Variants in MRTFB observed in about 807,000 individuals in gnomAD.
MRTFB encodes myocardin-related transcription factor B.
In MRTFB, 29 loss-of-function variants were observed where a neutral mutation model predicts 104.2. That is an observed-to-expected ratio of 0.28 (90% CI 0.21 to 0.38). The LOEUF (loss-of-function observed/expected upper bound fraction) is 0.38. MRTFB is among the 10% of genes least tolerant of loss of function. MRTFB has a pLI of 1.00. For synonymous variants in MRTFB, 535 were observed against 519.5 expected, an observed-to-expected ratio of 1.03 and a Z score of -0.41; for missense variants, 1,270 against 1,341.6, an observed-to-expected ratio of 0.95 and a Z score of 0.83.
intron 3 of MRTFB, among the ~76,000 whole-genome samples, chr16:14,166,911 T>C (rs1597133167): frequency 6.6e-6 from 1 of 152,340 alleles, no homozygotes; most frequent in East Asian, 1.9e-4. Flanking sequence ...AGTCTATTAT[T>C]GATGGGCATT....
At chr16:14,247,933 G>A (rs2043095306) in intron 12 of MRTFB, 1 of 166,342 alleles carries the variant, frequency 6.0e-6, no homozygotes, top group African/African-American at 2.4e-5. Flanking sequence ...CTGAGGCCTA[G>A]GAGTACTCAG....
At position 14,262,127 on chromosome 16, in the gene MRTFB, A is replaced by G. The variant is rs1486623124; in HGVS notation, c.*683A>G. ...TTCAACATAAACAGAAGATACCTAC[A>G]AAATACTGTCAGAAGTCCAGGTATA... On this transcript the variant is annotated 3_prime_UTR_variant, in exon 17 of 17. Coordinates refer to ENST00000571589, the MANE Select transcript of MRTFB (RefSeq NM_001308142.2). 2.0e-5 allele frequency: 3 copies of G among 152,254 alleles called. No homozygotes were observed. Among genetic ancestry groups the G allele is most frequent in the African/African-American group, 7.2e-5 (3 of 41,468 alleles). 9.4% of individuals were successfully genotyped at this position (152,254 alleles called of 1,614,324 possible). A position where few individuals can be genotyped will look rare whatever the true frequency, so the allele number is the denominator to read the frequency against.
intron 16 of MRTFB, among the ~76,000 whole-genome samples, chr16:14,260,122 A>G (rs114137654): frequency 6.2e-4 from 95 of 152,370 alleles, no homozygotes; most frequent in African/African-American, 2.2e-3. Flanking sequence ...CTGGCAAGGA[A>G]TAACACATAA....
rs113582868 is a variant in MRTFB, at chr16:14,125,999, C to G, written c.-63-14545C>G. Reference sequence around the variant, plus strand: ...GGACTACACTCAAACTTCTTAACTTCTCTGGCTACTCTAAGGAAAAGCTAA... The same window carrying G: ...GGACTACACTCAAACTTCTTAACTTGTCTGGCTACTCTAAGGAAAAGCTAA... On this transcript the variant is annotated intron_variant, in intron 2 of 16. Coordinates refer to ENST00000571589, the MANE Select transcript of MRTFB (RefSeq NM_001308142.2). Among the ~76,000 whole-genome samples the G allele has an allele frequency of 9.6e-3, 1,461 of 152,276 alleles. 24 individuals carry two copies. Among genetic ancestry groups the G allele is most frequent in the African/African-American group, 0.033 (1,390 of 41,554 alleles).
intron 2 of MRTFB, among the ~76,000 whole-genome samples, chr16:14,125,876 CAA>C (rs1243231473): frequency 3.3e-5 from 5 of 152,062 alleles, no homozygotes; most frequent in East Asian, 1.9e-4. Context: ...GCTTGAAAAA[CAA>C]AGAGTTTGCG....
At chr16:14,191,794 G>A (rs2040196401) in intron 3 of MRTFB, 1 of 152,084 alleles carries the variant, frequency 6.6e-6, no homozygotes, top group African/African-American at 2.4e-5. Context: ...TGTTGTCCAT[G>A]CACAGAATGA....
chr16:14,011,342 T>C, the MRTFB span, among the ~76,000 whole-genome samples: 2 of 152,184 alleles, frequency 1.3e-5, no homozygotes, highest in Non-Finnish European at 2.9e-5. Flanking sequence ...CTGAACCCCA[T>C]TTCCACATCT....
In MRTFB at chr16:14,252,102, G is replaced by A. The variant is rs546554484; in HGVS notation, c.2565+79G>A. 6.6e-5 allele frequency: 97 copies of A among 1,472,866 alleles called. 3 individuals carry two copies. The South Asian group carries it at 1.1e-3, about 17-fold the overall frequency. The allele number at this position is 1,472,866 out of a possible 1,614,324, so 91.2% of individuals were successfully genotyped here. On this transcript the variant is annotated intron_variant, in intron 14 of 16. Coordinates refer to ENST00000571589, the MANE Select transcript of MRTFB (RefSeq NM_001308142.2). ...TTCCAAAGCCTAGTGCTTTGGGCTT[G>A]GAGTGACTAATGTTAATGGGATAAA...
chr16:14,116,937 T>C (rs1040320031), intron 2 of MRTFB, among the ~76,000 whole-genome samples: 2 of 152,138 alleles, frequency 1.3e-5, no homozygotes, highest in Admixed American at 6.6e-5. Flanking sequence ...CTTATACATA[T>C]TGAATTAAAT....
the MRTFB span, among the ~76,000 whole-genome samples, chr16:14,053,918 G>C: frequency 6.6e-6 from 1 of 152,056 alleles, no homozygotes; most frequent in Non-Finnish European, 1.5e-5. Context: ...AGCAAACATG[G>C]GGATGCAGAT....
chr16:13,996,823 C>T, the MRTFB span, among the ~76,000 whole-genome samples: 6 of 152,100 alleles, frequency 3.9e-5, no homozygotes, highest in African/African-American at 9.7e-5. Context: ...CAGGGACAAC[C>T]GACGGCTCTC....
chr16:14,152,593 A>G (rs568016779), intron 3 of MRTFB: 1 of 152,290 alleles, frequency 6.6e-6, no homozygotes, highest in Non-Finnish European at 1.5e-5. Context: ...ATAAAGGAGA[A>G]GGGCAGAACC....
chr16:14,033,233 C>T, the MRTFB span, among the ~76,000 whole-genome samples: 1 of 151,866 alleles, frequency 6.6e-6, no homozygotes, highest in Non-Finnish European at 1.5e-5. Flanking sequence ...GGCCCCATCT[C>T]TACAAAAATT....
intron 8 of MRTFB, among the ~76,000 whole-genome samples, chr16:14,221,154 G>A (rs931115739): frequency 3.3e-5 from 5 of 152,072 alleles, no homozygotes; most frequent in South Asian, 2.1e-4. Context: ...CTACAGAGGC[G>A]AACTTTATGA....
the MRTFB span, among the ~76,000 whole-genome samples, chr16:14,023,208 G>A: frequency 2.8e-4 from 42 of 152,144 alleles, no homozygotes; most frequent in South Asian, 7.1e-3. Flanking sequence ...GGAGGCCAAG[G>A]CAGGAGGTTG....
chr16:14,036,917 C>T, the MRTFB span, among the ~76,000 whole-genome samples: 39 of 152,250 alleles, frequency 2.6e-4, no homozygotes, highest in African/African-American at 7.9e-4. Flanking sequence ...CTACTGAGCT[C>T]CAAGAAGTTA....
chr16:13,997,488 C>G, the MRTFB span, among the ~76,000 whole-genome samples: 1 of 152,276 alleles, frequency 6.6e-6, no homozygotes, highest in African/African-American at 2.4e-5. Context: ...AAAAAGTTTA[C>G]AAGGACATTC....
rs1460858146 is a variant in MRTFB, at chr16:14,263,509, A to G, written c.*2065A>G. The G allele has an allele frequency of 1.3e-5, 2 of 152,188 alleles. No homozygotes were observed. The highest frequency in any genetic ancestry group is 2.9e-5 in the Non-Finnish European group (2 of 68,032). The allele number at this position is 152,188 out of a possible 1,614,324, so 9.4% of individuals were successfully genotyped here. On this transcript the variant is annotated 3_prime_UTR_variant, in exon 17 of 17. Coordinates refer to ENST00000571589, the MANE Select transcript of MRTFB (RefSeq NM_001308142.2). ...GAATGGCTTATTAAATTAGCACCAAATATCAGTGGGACTGTAGAAGGTAAC... is the reference window on the plus strand; with the variant it reads ...GAATGGCTTATTAAATTAGCACCAAGTATCAGTGGGACTGTAGAAGGTAAC...
the MRTFB span, among the ~76,000 whole-genome samples, chr16:14,061,566 C>CTTTT: frequency 2.9e-4 from 30 of 102,608 alleles, 1 homozygote; most frequent in South Asian, 1.1e-3. Context: ...TCAAGGTCAT[C>CTTTT]TTTTTTTTTT....
Sources: gnomAD v4.1 joint callset for allele counts (sites outside exome capture counted in the v4.1 genomes callset) on GRCh38, gnomAD v4.1.1 for gene constraint, MANE v1.5 for transcripts, NCBI Gene and HGNC (gene_info 2026-07-23, HGNC 2026-07-21) for gene names.